Variants in PCDH15 observed in about 807,000 individuals in gnomAD.
PCDH15 encodes protocadherin-15.
PCDH15 carries 129 observed loss-of-function variants against 178.5 expected under a neutral mutation model. That is an observed-to-expected ratio of 0.72 (90% confidence interval 0.63 to 0.84). The LOEUF (loss-of-function observed/expected upper bound fraction) is 0.84, where lower values mean the gene tolerates loss of function less well. PCDH15 is among the 40% of genes least tolerant of loss of function. The pLI, the probability that PCDH15 is intolerant of heterozygous loss-of-function variation, is 0.00. For synonymous variants in PCDH15, 800 were observed against 732.0 expected (o/e 1.09, Z -1.50); for missense variants, 2,230 against 2,099.9 (o/e 1.06, Z -1.21).
At chr10:54,663,452 A>G (rs1297668267) in intron 2 of PCDH15, among the ~76,000 whole-genome samples, 2 of 148,530 alleles carry the variant, frequency 1.3e-5, no homozygotes, top group African/African-American at 2.5e-5. Flanking sequence ...TATATAACAT[A>G]TTATATATAT....
At position 55,362,860 on chromosome 10, in the gene PCDH15, T is replaced by C. The variant is rs542242461; in HGVS notation, c.-155-196209A>G. ...CTATAATTTGGTCATTTCAAGAAGA[T>C]CACAGGTGTGTCCAATCTTTTGGCA... On this transcript the variant is annotated intron_variant, in intron 2 of 5. Transcript: ENST00000613346. Among the ~76,000 whole-genome samples the C allele has an allele frequency of 1.3e-3, 198 of 152,314 alleles. 1 individual carries two copies. The highest frequency in any genetic ancestry group is 4.0e-3 in the African/African-American group (168 of 41,588).
chr10:54,718,019 C>A (rs974227030), intron 1 of PCDH15, among the ~76,000 whole-genome samples: 1 of 148,602 alleles, frequency 6.7e-6, no homozygotes, highest in African/African-American at 2.5e-5. Flanking sequence ...GGACAAAAAA[C>A]CAAACACCGC....
At chr10:55,053,574 C>A (rs978827769) in intron 2 of PCDH15, among the ~76,000 whole-genome samples, 4 of 152,152 alleles carry the variant, frequency 2.6e-5, no homozygotes, top group African/African-American at 9.7e-5. Context: ...ATGCTGGGAT[C>A]TAACATGGTG....
chr10:55,527,042 C>G (rs945247406), intron 2 of PCDH15, among the ~76,000 whole-genome samples: 1 of 152,012 alleles, frequency 6.6e-6, no homozygotes, highest in Non-Finnish European at 1.5e-5. Flanking sequence ...TGTGATTGGT[C>G]TATTTGCACT....
rs961355997 is a variant in PCDH15, at chr10:54,111,799, A to T, written c.1917+21076T>A. Among the ~76,000 whole-genome samples the T allele has an allele frequency of 3.4e-4, 51 of 151,998 alleles. 1 individual carries two copies. Among genetic ancestry groups the T allele is most frequent in the Admixed American group, 3.2e-3 (49 of 15,244 alleles). The stretch of plus-strand genomic sequence containing the variant: ...AAATACACCTTTATTATGACATATA[A>T]TTCCCTAGTGATTGCCTATAAAATT... On this transcript the variant is annotated intron_variant, in intron 15 of 37. Coordinates refer to ENST00000644397, the MANE Select transcript of PCDH15 (RefSeq NM_001384140.1).
intron 29 of PCDH15, among the ~76,000 whole-genome samples, chr10:53,839,054 A>G (rs1401585888): frequency 2.0e-5 from 3 of 151,904 alleles, no homozygotes; most frequent in African/African-American, 7.3e-5. Context: ...AATACAAAAA[A>G]TTAGCTGGGC....
intron 3 of PCDH15, among the ~76,000 whole-genome samples, chr10:54,394,638 T>A (rs973366506): frequency 7.9e-5 from 12 of 152,300 alleles, no homozygotes; most frequent in African/African-American, 2.6e-4. Context: ...GGCACCATTG[T>A]CATTGATAAC....
intron 2 of PCDH15, among the ~76,000 whole-genome samples, chr10:55,532,804 T>C (rs1841483184): frequency 6.6e-6 from 1 of 152,010 alleles, no homozygotes; most frequent in Non-Finnish European, 1.5e-5. Context: ...ATATCCTTAA[T>C]AACTCTCCTT....
intron 1 of PCDH15, among the ~76,000 whole-genome samples, chr10:55,175,535 T>C (rs1564863530): frequency 6.6e-6 from 1 of 151,494 alleles, no homozygotes; most frequent in South Asian, 2.1e-4. Flanking sequence ...TGGTGGTGTG[T>C]GCCTATAATC....
At chr10:55,614,509 T>G (rs1292998812) in intron 2 of PCDH15, among the ~76,000 whole-genome samples, 1 of 152,176 alleles carries the variant, frequency 6.6e-6, no homozygotes, top group African/African-American at 2.4e-5. Context: ...TAGAAATATT[T>G]TTGTTAGACC....
chr10:54,528,997 C>G (rs2083635679), intron 2 of PCDH15, among the ~76,000 whole-genome samples: 2 of 151,998 alleles, frequency 1.3e-5, no homozygotes, highest in Admixed American at 1.3e-4. Context: ...ATACATGGCA[C>G]ACTCCTGTAC....
intron 2 of PCDH15, among the ~76,000 whole-genome samples, chr10:55,510,458 C>T (rs915184876): frequency 5.3e-5 from 8 of 151,880 alleles, no homozygotes; most frequent in Admixed American, 6.6e-5. Context: ...CACTAGCTAA[C>T]GTGTTTTTCT....
At chr10:55,008,339 A>G (rs1839978867) in intron 2 of PCDH15, among the ~76,000 whole-genome samples, 1 of 152,116 alleles carries the variant, frequency 6.6e-6, no homozygotes, top group Non-Finnish European at 1.5e-5. Flanking sequence ...GTAATCACAG[A>G]GATAGCATGT....
intron 2 of PCDH15, among the ~76,000 whole-genome samples, chr10:55,016,242 C>A (rs1840176845): frequency 6.6e-6 from 1 of 151,950 alleles, no homozygotes; most frequent in Non-Finnish European, 1.5e-5. Context: ...CTTATCTTTT[C>A]TTTGTGTTAA....
At chr10:55,621,925 G>A (rs907438008) in intron 2 of PCDH15, among the ~76,000 whole-genome samples, 3 of 147,996 alleles carry the variant, frequency 2.0e-5, no homozygotes, top group Admixed American at 6.9e-5. Context: ...ATGAGGAAAC[G>A]ACATTGAAAC....
chr10:54,752,598 T>G (rs1946497904), intron 1 of PCDH15, among the ~76,000 whole-genome samples: 2 of 151,778 alleles, frequency 1.3e-5, no homozygotes, highest in Non-Finnish European at 2.9e-5. Context: ...ATGAAGTGTA[T>G]AAATCCCTGC....
chr10:55,174,388 C>CT (rs1839422687), intron 1 of PCDH15, among the ~76,000 whole-genome samples: 1 of 152,158 alleles, frequency 6.6e-6, no homozygotes, highest in Non-Finnish European at 1.5e-5. Flanking sequence ...CTTACCCACT[C>CT]TCTCTAGATT....
intron 28 of PCDH15, among the ~76,000 whole-genome samples, chr10:53,856,212 C>T (rs2078734303): frequency 6.7e-6 from 1 of 150,212 alleles, no homozygotes; most frequent in South Asian, 2.1e-4. Flanking sequence ...CAGAATTCAC[C>T]ATTAAAGAAT....
chr10:54,125,131 T>C (rs995635393), intron 15 of PCDH15, among the ~76,000 whole-genome samples: 4 of 152,088 alleles, frequency 2.6e-5, no homozygotes, highest in African/African-American at 9.7e-5. Flanking sequence ...ACCCAATTCG[T>C]TCATTAGTCA....
Sources: gnomAD v4.1 joint callset for allele counts (sites outside exome capture counted in the v4.1 genomes callset) on GRCh38, gnomAD v4.1.1 for gene constraint, MANE v1.5 for transcripts, NCBI Gene and HGNC (gene_info 2026-07-23, HGNC 2026-07-21) for gene names.